The following ZNF670 variants were observed in gnomAD, a reference collection of about 807,000 sequenced individuals.
The protein encoded by ZNF670 is zinc finger protein 670.
Under a neutral mutation model 10.9 loss-of-function variants are expected in ZNF670, and 7 were observed. That is an observed-to-expected ratio of 0.64 (90% CI 0.36 to 1.20). The LOEUF (loss-of-function observed/expected upper bound fraction) is 1.20, where lower values mean the gene tolerates loss of function less well. Ranked by LOEUF, ZNF670 falls within the 50% of genes most tolerant of loss-of-function variation. The pLI, the probability that ZNF670 is intolerant of heterozygous loss-of-function variation, is 0.02. For missense variants in ZNF670, 446 were observed against 458.6 expected (o/e 0.97, Z 0.25); for synonymous variants, 136 against 152.7 (o/e 0.89, Z 0.81).
intron 1 of ZNF670, among the ~76,000 whole-genome samples, chr1:247,044,759 T>C (rs528692365): frequency 6.6e-6 from 1 of 152,054 alleles, no homozygotes; most frequent in Non-Finnish European, 1.5e-5. Context: ...CTGTTGAGTA[T>C]ACATGGACAC....
At chr1:247,068,984 T>C (rs990652336) in intron 1 of ZNF670, among the ~76,000 whole-genome samples, 1 of 150,156 alleles carries the variant, frequency 6.7e-6, no homozygotes, top group Non-Finnish European at 1.5e-5. Context: ...TCAAAACAAC[T>C]GAACTCATGG....
At position 247,044,325 on chromosome 1, in the gene ZNF670, G is replaced by A. The variant is rs571176585; in HGVS notation, c.4-4788C>T. Among the ~76,000 whole-genome samples, 8 of 152,194 alleles carry A rather than the reference G, an allele frequency of 5.3e-5. No individual in the cohort carries two copies. The South Asian group carries it at 6.2e-4, about 12-fold the overall frequency. ...CTTTAACAGATGGTGGCAAAGTAGC[G>A]CAGAAAATGGAGCACTTACACACTG... On this transcript the variant is annotated intron_variant, in intron 1 of 3. Transcript: ENST00000366503.
chr1:247,046,221 G>A (rs1670444170), intron 1 of ZNF670, among the ~76,000 whole-genome samples: 1 of 152,234 alleles, frequency 6.6e-6, no homozygotes, highest in African/African-American at 2.4e-5. Context: ...TTGTAAGAGA[G>A]AGTTGCACAA....
rs560239780 is a variant in ZNF670, at chr1:247,035,456, T to C, written c.*1993A>G. On this transcript the variant is annotated 3_prime_UTR_variant, in exon 4 of 4. Transcript: ENST00000366503. ...CTTCTTGGTTCTCATAAGGATGCAA[T>C]TGGTTTGTTTAAATGCATCTGTGGA... is the stretch of plus-strand genomic sequence containing the variant. Among the ~76,000 whole-genome samples the C allele has an allele frequency of 5.3e-5, 8 of 152,284 alleles. No individual in the cohort carries two copies. The highest frequency in any genetic ancestry group is 2.1e-4 in the South Asian group (1 of 4,820).
intron 1 of ZNF670, among the ~76,000 whole-genome samples, chr1:247,045,291 G>A (rs1261080698): frequency 6.6e-6 from 1 of 152,190 alleles, no homozygotes; most frequent in Non-Finnish European, 1.5e-5. Flanking sequence ...GTTTGGCTGT[G>A]TGTTTCCTCC....
intron 1 of ZNF670, among the ~76,000 whole-genome samples, chr1:247,048,966 A>G (rs1216785389): frequency 6.6e-5 from 10 of 152,060 alleles, no homozygotes; most frequent in Admixed American, 6.6e-4. Flanking sequence ...TTAATCTAGG[A>G]GAGTTTCATA....
intron 1 of ZNF670, among the ~76,000 whole-genome samples, chr1:247,066,409 A>C (rs1252130527): frequency 6.6e-6 from 1 of 152,162 alleles, no homozygotes; most frequent in Non-Finnish European, 1.5e-5. Context: ...TGAGCTGGAA[A>C]AGAGAACTGC....
intron 1 of ZNF670, among the ~76,000 whole-genome samples, chr1:247,053,826 T>C (rs1011980979): frequency 6.6e-6 from 1 of 152,182 alleles, no homozygotes; most frequent in African/African-American, 2.4e-5. Context: ...TCCATGCCCA[T>C]AGGCACAACA....
At position 247,038,378 on chromosome 1, in the gene ZNF670, C is replaced by T; in HGVS notation, c.241G>A (p.Gly81Arg). 1.2e-6 allele frequency: 2 copies of T among 1,613,680 alleles called. No homozygotes were observed. Among genetic ancestry groups the T allele is most frequent in the South Asian group, 1.1e-5 (1 of 91,064 alleles). ...LFEIKEGSQYGETFSQDSNLN... is the reference protein window; with the variant it reads ...LFEIKEGSQYRETFSQDSNLN... ...TTTGAATCCTGGCTGAAGGTTTCTC[C>T]ATATTGACTGCCTTCTTTAATTTCA... The change falls in exon 4 of 4, where the codon GGA (glycine) becomes AGA (arginine). Residue 81 changes from glycine (G) to arginine (R), a missense_variant. Gly to Arg is a moderately radical substitution (Grantham distance 125). Coordinates refer to ENST00000366503, the MANE Select transcript of ZNF670 (RefSeq NM_033213.5).
intron 1 of ZNF670, among the ~76,000 whole-genome samples, chr1:247,051,433 A>T (rs1289889785): frequency 6.6e-6 from 1 of 152,222 alleles, no homozygotes; most frequent in Non-Finnish European, 1.5e-5. Context: ...AAGGAGGCTA[A>T]TGATAGAACC....
chr1:247,067,484 G>A (rs1671010955), intron 1 of ZNF670, among the ~76,000 whole-genome samples: 1 of 150,026 alleles, frequency 6.7e-6, no homozygotes, highest in South Asian at 2.1e-4. Flanking sequence ...GAGTTCACAG[G>A]TAGTTCCCCA....
chr1:247,047,676 C>T (rs1233831366), intron 1 of ZNF670, among the ~76,000 whole-genome samples: 5 of 152,082 alleles, frequency 3.3e-5, no homozygotes, highest in Admixed American at 2.0e-4. Context: ...GGCATTTCCA[C>T]ACATCCTCTG....
At chr1:247,048,618 A>G (rs1670515099) in intron 1 of ZNF670, among the ~76,000 whole-genome samples, 1 of 152,168 alleles carries the variant, frequency 6.6e-6, no homozygotes, top group Non-Finnish European at 1.5e-5. Context: ...CCATTCTCAC[A>G]TTGCTATAAG....
chr1:247,067,435 C>CCAAAA (rs1487488030), intron 1 of ZNF670, among the ~76,000 whole-genome samples: 2 of 77,252 alleles, frequency 2.6e-5, no homozygotes, highest in Admixed American at 1.7e-4. Context: ...GATCCCGTCT[C>CCAAAA]AAAAAAAAAA....
chr1:247,064,812 T>C (rs943429544), intron 1 of ZNF670, among the ~76,000 whole-genome samples: 2 of 152,146 alleles, frequency 1.3e-5, no homozygotes, highest in African/African-American at 4.8e-5. Flanking sequence ...TCTCTTTCCT[T>C]CTTTTTATTT....
At chr1:247,051,907 C>T (rs1468528734) in intron 1 of ZNF670, among the ~76,000 whole-genome samples, 1 of 150,188 alleles carries the variant, frequency 6.7e-6, no homozygotes, top group African/African-American at 2.4e-5. Flanking sequence ...TCACAGTTCT[C>T]TAAGTGTGTC....
In ZNF670 at chr1:247,034,976, CAGT is replaced by C. The variant is rs1366091387; in HGVS notation, c.*2470_*2472del. Among the ~76,000 whole-genome samples, 3 of 152,184 alleles carry C rather than the reference CAGT, an allele frequency of 2.0e-5. No homozygotes were observed. Among genetic ancestry groups the C allele is most frequent in the African/African-American group, 7.2e-5 (3 of 41,446 alleles). On this transcript the variant is annotated 3_prime_UTR_variant, in exon 4 of 4. Transcript: ENST00000366503. ...TCCTCCTGGGGAACGGCTGGTCAACCAGTCATGTCTAGGAGTTGAGAGTTCTAC... is the reference window on the plus strand; with the variant it reads ...TCCTCCTGGGGAACGGCTGGTCAACCCATGTCTAGGAGTTGAGAGTTCTAC...
In ZNF670 at chr1:247,053,469, T is replaced by TA. The variant is rs563845053; in HGVS notation, c.4-13933dup. On this transcript the variant is annotated intron_variant, in intron 1 of 3. Transcript: ENST00000366503. ...TAACATGGTGAAACCCCATCTTTAC[T>TA]AAAAAAAATACAAAAAATTAGCCGG... 1.0e-3 allele frequency among the ~76,000 whole-genome samples: 153 copies of TA among 151,830 alleles called. 1 individual carries two copies. Among genetic ancestry groups the TA allele is most frequent in the African/African-American group, 3.5e-3 (147 of 41,428 alleles).
In ZNF670 at chr1:247,036,532, T is replaced by A. The variant is rs949584354; in HGVS notation, c.*917A>T. Among the ~76,000 whole-genome samples, 6 of 152,142 alleles carry A rather than the reference T, an allele frequency of 3.9e-5. No individual in the cohort carries two copies. Among genetic ancestry groups the A allele is most frequent in the African/African-American group, 1.4e-4 (6 of 41,434 alleles). ...ATATAATTAGCTGAGCATGGTGGCA[T>A]GTGTCTGTAGCTCCAGCTACATAGG... is the stretch of plus-strand genomic sequence containing the variant. On this transcript the variant is annotated 3_prime_UTR_variant, in exon 4 of 4. Transcript: ENST00000366503.
Sources: gnomAD v4.1 joint callset for allele counts (sites outside exome capture counted in the v4.1 genomes callset) on GRCh38, gnomAD v4.1.1 for gene constraint, MANE v1.5 for transcripts, NCBI Gene and HGNC (gene_info 2026-07-23, HGNC 2026-07-21) for gene names.